The following EYS variants were observed in gnomAD, a reference collection of about 807,000 sequenced individuals.
EYS encodes the protein EGF-like photoreceptor maintenance factor, also known as protein eyes shut homolog.
A neutral mutation model predicts 282.1 loss-of-function variants in EYS; 250 were observed. That is an observed-to-expected ratio of 0.89 (90% CI 0.80 to 0.98). EYS has a LOEUF of 0.98. EYS is among the 50% of genes least tolerant of loss of function. The pLI, the probability that EYS is intolerant of heterozygous loss-of-function variation, is 0.00. For missense variants in EYS, 4,016 were observed against 3,709.0 expected, an observed-to-expected ratio of 1.08 and a Z score of -2.15; for synonymous variants, 1,355 against 1,282.9, an observed-to-expected ratio of 1.06 and a Z score of -1.20.
chr6:65,331,089 T>A, intron 11 of EYS: 1 of 984,176 alleles, frequency 1.0e-6, no homozygotes, highest in Non-Finnish European at 1.2e-6. Flanking sequence ...GTTCATCAGA[T>A]CCCACCCCAT....
At chr6:64,182,008 T>C (rs923224090) in intron 31 of EYS, among the ~76,000 whole-genome samples, 3 of 152,168 alleles carry the variant, frequency 2.0e-5, no homozygotes, top group African/African-American at 7.2e-5. Context: ...CACTCACTCA[T>C]TGAGGAAGAC....
chr6:64,565,428 C>T (rs75673915), intron 26 of EYS, among the ~76,000 whole-genome samples: 4,611 of 152,110 alleles, frequency 0.03, 153 homozygotes, highest in East Asian at 0.11. Flanking sequence ...TAATGGAATA[C>T]TAGTTTTTTT....
chr6:64,368,113 A>G (rs79349419), intron 29 of EYS, among the ~76,000 whole-genome samples: 5,302 of 152,142 alleles, frequency 0.035, 219 homozygotes, highest in African/African-American at 0.096. Flanking sequence ...GCCTTCAAGT[A>G]GGTCCTGGTG....
intron 31 of EYS, among the ~76,000 whole-genome samples, chr6:64,191,964 A>G (rs1438277396): frequency 4.1e-5 from 6 of 145,910 alleles, no homozygotes; most frequent in Non-Finnish European, 6.1e-5. Flanking sequence ...AAGTGTTCCT[A>G]TTTCTCCACA....
intron 22 of EYS, among the ~76,000 whole-genome samples, chr6:64,637,491 T>A (rs1245675746): frequency 1.2e-5 from 1 of 85,434 alleles, no homozygotes; most frequent in African/African-American, 4.6e-5. Flanking sequence ...ATACCTAATG[T>A]TAAATGACGA....
At chr6:63,726,458 ATACAT>A in intron 42 of EYS, 56 bp downstream of exon 42, 1 of 1,403,276 alleles carries the variant, frequency 7.1e-7, no homozygotes. Context: ...AAACACTATC[ATACAT>A]TACTTAATAG....
intron 29 of EYS, among the ~76,000 whole-genome samples, chr6:64,369,425 G>GT (rs1242085722): frequency 3.3e-5 from 5 of 152,054 alleles, no homozygotes; most frequent in Non-Finnish European, 7.4e-5. Context: ...AATTTTAAAA[G>GT]TTTTTTCTAA....
chr6:64,066,998 A>G (rs1369673952), intron 32 of EYS, among the ~76,000 whole-genome samples: 2 of 152,138 alleles, frequency 1.3e-5, no homozygotes, highest in African/African-American at 2.4e-5. Flanking sequence ...AGAGAAATAT[A>G]TAGAGAAAAG....
chr6:64,330,952 C>G (rs1002871260), intron 29 of EYS, among the ~76,000 whole-genome samples: 1 of 152,232 alleles, frequency 6.6e-6, no homozygotes, highest in South Asian at 2.1e-4. Flanking sequence ...GAGGTTTTCT[C>G]AAGCTAAAAA....
intron 5 of EYS, among the ~76,000 whole-genome samples, chr6:65,485,981 T>G (rs908789204): frequency 1.3e-5 from 2 of 152,214 alleles, no homozygotes; most frequent in East Asian, 3.8e-4. Context: ...TGGGAATTTG[T>G]GAATTTAGCA....
intron 35 of EYS, among the ~76,000 whole-genome samples, chr6:63,923,215 G>T (rs992828752): frequency 6.6e-6 from 1 of 152,006 alleles, no homozygotes; most frequent in African/African-American, 2.4e-5. Context: ...CCCTAGAATA[G>T]AAAATAAAAT....
chr6:64,831,600 TA>T (rs949425255), intron 19 of EYS, among the ~76,000 whole-genome samples: 1 of 151,942 alleles, frequency 6.6e-6, no homozygotes, highest in Non-Finnish European at 1.5e-5. Flanking sequence ...GATGTTCATT[TA>T]AATCTTATTT....
intron 12 of EYS, among the ~76,000 whole-genome samples, chr6:65,199,377 A>G (rs937545988): frequency 1.3e-5 from 2 of 152,134 alleles, no homozygotes; most frequent in African/African-American, 2.4e-5. Flanking sequence ...AAATTCTTTG[A>G]GAAGAATGCA....
intron 4 of EYS, among the ~76,000 whole-genome samples, chr6:65,492,328 G>GAAAC (rs1267396143): frequency 3.6e-4 from 39 of 109,224 alleles, no homozygotes; most frequent in Admixed American, 1.3e-3. Flanking sequence ...AAAGAAGAAA[G>GAAAC]AAAGAAACAA....
intron 28 of EYS, among the ~76,000 whole-genome samples, chr6:64,427,003 G>A (rs1774433606): frequency 6.6e-6 from 1 of 151,970 alleles, no homozygotes; most frequent in African/African-American, 2.4e-5. Flanking sequence ...AAAAAAACTA[G>A]ATCATTGTTT....
rs571968565 is a variant in EYS at position 63,853,987 on chromosome 6, A to G, written c.7228+10199T>C. ...CTGGAGAGGATTTAGAGAAATAGGA[A>G]TGCTTTTACACTGTTGGTGGGAGTG... On this transcript the variant is annotated intron_variant, in intron 36 of 42. Coordinates refer to ENST00000503581, the MANE Select transcript of EYS (RefSeq NM_001142800.2). Among the ~76,000 whole-genome samples the G allele has an allele frequency of 1.1e-4, 16 of 152,332 alleles. No homozygotes were observed. In the East Asian group the frequency reaches 2.9e-3, roughly 28 times the overall value.
intron 30 of EYS, among the ~76,000 whole-genome samples, chr6:64,298,078 G>C (rs1285859903): frequency 6.6e-6 from 1 of 151,934 alleles, no homozygotes; most frequent in African/African-American, 2.4e-5. Flanking sequence ...TGCTAGAAAT[G>C]CTCAAGGGGA....
At chr6:65,595,763 G>A (rs1469349348) in intron 2 of EYS, among the ~76,000 whole-genome samples, 2 of 152,094 alleles carry the variant, frequency 1.3e-5, no homozygotes, top group Non-Finnish European at 2.9e-5. Flanking sequence ...CAGAATATGG[G>A]TGTGGTAGGC....
chr6:64,765,170 T>C (rs1157958881), intron 22 of EYS, among the ~76,000 whole-genome samples: 1 of 152,224 alleles, frequency 6.6e-6, no homozygotes, highest in Non-Finnish European at 1.5e-5. Context: ...CCAGATACCC[T>C]GAATCATCTC....
Sources: gnomAD v4.1 joint callset for allele counts (sites outside exome capture counted in the v4.1 genomes callset) on GRCh38, gnomAD v4.1.1 for gene constraint, MANE v1.5 for transcripts, NCBI Gene and HGNC (gene_info 2026-07-23, HGNC 2026-07-21) for gene names.